Variants in THSD4 observed in about 807,000 individuals in gnomAD.
The protein encoded by THSD4 is thrombospondin type-1 domain-containing protein 4.
In THSD4, 69 loss-of-function variants were observed where a neutral mutation model predicts 119.0. The ratio of observed to expected loss-of-function variants is 0.58; its 90% CI spans 0.48 to 0.71. THSD4 has a LOEUF of 0.71. Ranked by LOEUF, THSD4 falls within the 30% of genes least tolerant of loss-of-function variation. The pLI, the probability that THSD4 is intolerant of heterozygous loss-of-function variation, is 0.00. For synonymous variants in THSD4, 524 were observed against 540.4 expected (o/e 0.97, Z 0.42); for missense variants, 1,393 against 1,391.1 (o/e 1.00, Z -0.02).
chr15:71,308,519 C>T (rs1188625682), intron 6 of THSD4, among the ~76,000 whole-genome samples: 1 of 152,084 alleles, frequency 6.6e-6, no homozygotes, highest in Non-Finnish European at 1.5e-5. Flanking sequence ...AGGTAAAATT[C>T]ATAGAACATA....
chr15:71,513,161 G>T (rs531928153), intron 7 of THSD4, among the ~76,000 whole-genome samples: 1 of 152,222 alleles, frequency 6.6e-6, no homozygotes, highest in African/African-American at 2.4e-5. Flanking sequence ...CCAAGATGGC[G>T]TGAGCCGAGA....
chr15:71,139,844 C>T (rs1443782408), intron 1 of THSD4, among the ~76,000 whole-genome samples: 1 of 152,160 alleles, frequency 6.6e-6, no homozygotes, highest in African/African-American at 2.4e-5. Context: ...GATCCCTGGC[C>T]CACCTTGGAA....
chr15:71,109,276 C>T (rs931053042), intron 1 of THSD4, among the ~76,000 whole-genome samples: 14 of 152,186 alleles, frequency 9.2e-5, no homozygotes, highest in Non-Finnish European at 1.9e-4. Context: ...GGAGTTTTGT[C>T]TGTAAGCCAT....
At chr15:71,672,079 A>G (rs531808393) in intron 8 of THSD4, among the ~76,000 whole-genome samples, 3 of 152,252 alleles carry the variant, frequency 2.0e-5, no homozygotes, top group East Asian at 1.9e-4. Flanking sequence ...CTTGGGCAGT[A>G]TGGCCATTTT....
At chr15:71,658,948 GGGGAAGGAAT>G (rs1191357277) in intron 7 of THSD4, among the ~76,000 whole-genome samples, 2 of 152,204 alleles carry the variant, frequency 1.3e-5, no homozygotes, top group Admixed American at 6.5e-5. Flanking sequence ...TGCAACTAGA[GGGGAAGGAAT>G]GGGCACCTTT....
intron 7 of THSD4, among the ~76,000 whole-genome samples, chr15:71,549,142 G>C (rs1172714436): frequency 6.6e-6 from 1 of 152,260 alleles, no homozygotes; most frequent in East Asian, 1.9e-4. Context: ...GTGCTTTTCA[G>C]ACAGTGCTCA....
chr15:71,636,334 A>C (rs897500370), intron 7 of THSD4, among the ~76,000 whole-genome samples: 4 of 152,084 alleles, frequency 2.6e-5, no homozygotes, highest in African/African-American at 9.7e-5. Flanking sequence ...GAGGCATGAG[A>C]ATCGCTTGAA....
chr15:71,538,534 A>G (rs2048716351), intron 7 of THSD4, among the ~76,000 whole-genome samples: 1 of 152,256 alleles, frequency 6.6e-6, no homozygotes, highest in African/African-American at 2.4e-5. Context: ...ATTTCATAAA[A>G]TAATACTTTG....
At chr15:71,288,847 A>G (rs1056074469) in intron 6 of THSD4, among the ~76,000 whole-genome samples, 2 of 152,212 alleles carry the variant, frequency 1.3e-5, no homozygotes, top group Non-Finnish European at 1.5e-5. Flanking sequence ...TTCTCTGACA[A>G]CAATACCAAG....
intron 11 of THSD4, 136 bp downstream of exon 11, chr15:71,738,143 G>T: frequency 8.3e-7 from 1 of 1,210,252 alleles, no homozygotes; most frequent in Non-Finnish European, 1.1e-6. Context: ...CATGGATGGT[G>T]GCGGGGTTGG....
At chr15:71,206,307 C>A (rs1010931451) in intron 3 of THSD4, among the ~76,000 whole-genome samples, 1 of 152,130 alleles carries the variant, frequency 6.6e-6, no homozygotes, top group African/African-American at 2.4e-5. Flanking sequence ...CCACCGCGCC[C>A]GGCCACGTTT....
intron 12 of THSD4, 123 bp downstream of exon 12, chr15:71,745,358 T>C: frequency 3.1e-6 from 4 of 1,275,764 alleles, no homozygotes; most frequent in Non-Finnish European, 4.2e-6. Flanking sequence ...ACTTGGACCA[T>C]GCATAAAATG....
intron 7 of THSD4, among the ~76,000 whole-genome samples, chr15:71,610,858 G>A (rs536460196): frequency 1.3e-5 from 2 of 152,252 alleles, no homozygotes; most frequent in South Asian, 4.1e-4. Context: ...CATGGGATGG[G>A]GAGTCTAGAG....
At position 71,681,202 on chromosome 15, in the gene THSD4, A is replaced by G. The variant is rs529632827; in HGVS notation, c.1357+20468A>G. On this transcript the variant is annotated intron_variant, in intron 8 of 17. Transcript: ENST00000261862. Reference sequence around the variant, plus strand: ...AGTGCTGGGATTACAGGCATGAGCCACTGCTCCCGGCCCTACTATGGTATT... The same window carrying G: ...AGTGCTGGGATTACAGGCATGAGCCGCTGCTCCCGGCCCTACTATGGTATT... 1.0e-3 allele frequency among the ~76,000 whole-genome samples: 154 copies of G among 152,082 alleles called. 1 individual carries two copies. Among genetic ancestry groups the G allele is most frequent in the African/African-American group, 3.6e-3 (150 of 41,506 alleles).
chr15:71,353,282 C>A (rs2045766975), intron 6 of THSD4, among the ~76,000 whole-genome samples: 1 of 152,154 alleles, frequency 6.6e-6, no homozygotes. Flanking sequence ...GATACAACAT[C>A]TTTAGCTGGT....
chr15:71,119,344 G>T (rs1484177402), intron 1 of THSD4, among the ~76,000 whole-genome samples: 1 of 152,200 alleles, frequency 6.6e-6, no homozygotes, highest in Non-Finnish European at 1.5e-5. Flanking sequence ...GCGTTTTTAA[G>T]ATTACCTCAG....
At chr15:71,260,836 C>T (rs1367071866) in intron 6 of THSD4, among the ~76,000 whole-genome samples, 1 of 152,180 alleles carries the variant, frequency 6.6e-6, no homozygotes, top group Admixed American at 6.5e-5. Flanking sequence ...TGCGGTGGCT[C>T]ACGCCTGTAA....
rs10540241 is a variant in THSD4, at chr15:71,135,991, GTTTTTTTTT to G, written c.-79-5440_-79-5432del. On this transcript the variant is annotated intron_variant, in intron 1 of 17. Transcript: ENST00000261862. ...GTCCTTTGGTTTTTTGTTTAGTTTA[GTTTTTTTTT>G]TTTTTTTTTTTTTTTTTAAGACTCC... Among the ~76,000 whole-genome samples, 313 of 69,108 alleles carry G rather than the reference GTTTTTTTTT, an allele frequency of 4.5e-3. 2 individuals are homozygous for G. Among genetic ancestry groups the G allele is most frequent in the African/African-American group, 0.015 (289 of 19,860 alleles). The allele number at this position is 69,108 out of a possible 152,430, so 45.3% of individuals were successfully genotyped here. A position where few individuals can be genotyped will look rare whatever the true frequency, so the allele number is the denominator to read the frequency against.
At chr15:71,776,996 A>T (rs2053925285) in intron 17 of THSD4, among the ~76,000 whole-genome samples, 1 of 152,204 alleles carries the variant, frequency 6.6e-6, no homozygotes. Flanking sequence ...ATGAAGGAGG[A>T]AGTGATCAGA....
Sources: allele counts gnomAD v4.1 joint callset (sites outside exome capture counted in the v4.1 genomes callset), GRCh38; gene constraint gnomAD v4.1.1; transcripts MANE v1.5; gene names NCBI Gene and HGNC (gene_info 2026-07-23, HGNC 2026-07-21).